ITSN1: variants seen among roughly 807,000 people sequenced by gnomAD.
ITSN1 encodes intersectin-1.
ITSN1 carries 58 observed loss-of-function variants against 239.8 expected under a neutral mutation model. That is an observed-to-expected ratio of 0.24 (90% CI 0.20 to 0.30). The LOEUF is 0.30. Ranked by LOEUF, ITSN1 falls within the 10% of genes least tolerant of loss-of-function variation. ITSN1 has a pLI of 1.00. For missense variants in ITSN1, 1,558 were observed against 2,103.3 expected, an observed-to-expected ratio of 0.74 and a Z score of 5.07; for synonymous variants, 780 against 770.8, an observed-to-expected ratio of 1.01 and a Z score of -0.20.
At chr21:33,868,649 A>C (rs7281113) in intron 33 of ITSN1, among the ~76,000 whole-genome samples, 11,368 of 152,284 alleles carry the variant, frequency 0.075, 458 homozygotes, top group Non-Finnish European at 0.097. Flanking sequence ...CCGGAACTCC[A>C]GCTGGCCCGC....
At chr21:33,859,049 T>C (rs9977675) in intron 31 of ITSN1, among the ~76,000 whole-genome samples, 38,945 of 152,084 alleles carry the variant, frequency 0.26, 5,585 homozygotes, top group South Asian at 0.41. Flanking sequence ...ATTACTGTGG[T>C]TGTGAATTTC....
At chr21:33,647,469 C>A (rs560555456) in intron 1 of ITSN1, among the ~76,000 whole-genome samples, 3 of 151,308 alleles carry the variant, frequency 2.0e-5, no homozygotes, top group Non-Finnish European at 4.4e-5. Flanking sequence ...AATAATATTC[C>A]GTTTTATGGA....
At chr21:33,664,107 C>A (rs947378376) in intron 1 of ITSN1, among the ~76,000 whole-genome samples, 1 of 152,094 alleles carries the variant, frequency 6.6e-6, no homozygotes, top group Non-Finnish European at 1.5e-5. Flanking sequence ...TAGCCCACTT[C>A]GTGTTGCTGT....
intron 1 of ITSN1, among the ~76,000 whole-genome samples, chr21:33,690,794 T>C (rs1258346600): frequency 5.3e-5 from 1 of 18,942 alleles, no homozygotes; most frequent in Non-Finnish European, 9.8e-5. Context: ...TATATACATA[T>C]ATATATATAT....
intron 31 of ITSN1, among the ~76,000 whole-genome samples, chr21:33,864,044 T>C (rs1981125855): frequency 6.6e-6 from 1 of 152,236 alleles, no homozygotes; most frequent in Non-Finnish European, 1.5e-5. Flanking sequence ...GGACTTTATT[T>C]TAGCCAAAAA....
In ITSN1 at chr21:33,813,929, A is replaced by G. The variant is rs1478102347; in HGVS notation, c.2584A>G (p.Asn862Asp). 1.2e-6 allele frequency: 2 copies of G among 1,613,484 alleles called. No homozygotes were observed. The change falls in exon 22 of 40, where the codon AAT (asparagine) becomes GAT (aspartate). Residue 862 changes from asparagine (N) to aspartate (D), a missense_variant. Transcript: ENST00000381318. The stretch of plus-strand genomic sequence containing the variant: ...TCCCTCCAGGTGGCCCACCAGCACG[A>G]ATGAGAAACCAGAAACGGATAACTG... Reference protein sequence around the residue: ...DFSSTWPTSTNEKPETDNWDA... With the variant: ...DFSSTWPTSTDEKPETDNWDA...
At chr21:33,680,201 C>A (rs1400053492) in intron 1 of ITSN1, among the ~76,000 whole-genome samples, 1 of 151,910 alleles carries the variant, frequency 6.6e-6, no homozygotes, top group African/African-American at 2.4e-5. Flanking sequence ...GGTTTTATTC[C>A]TCTGGATGTT....
chr21:33,813,849 G>A, intron 21 of ITSN1, 64 bp from the exon 22 acceptor site: 1 of 1,310,158 alleles, frequency 7.6e-7, no homozygotes. Context: ...GTACTTTACT[G>A]TGGGTAAAAA....
rs2091711533 is a variant in ITSN1 at position 33,694,649 on chromosome 21, CGTCTCTACTAAAA to C, written c.-32-24147_-32-24135del. 2.0e-5 allele frequency among the ~76,000 whole-genome samples: 3 copies of C among 151,996 alleles called. No homozygotes were observed. In the South Asian group the frequency reaches 6.2e-4, roughly 32 times the overall value. On this transcript the variant is annotated intron_variant, in intron 1 of 39. Coordinates refer to ENST00000381318, the MANE Select transcript of ITSN1 (RefSeq NM_003024.3). The stretch of plus-strand genomic sequence containing the variant: ...CAGCCTGGCCAACATGGCGAAACCC[CGTCTCTACTAAAA>C]ATACAAAAATTAGCCAGGCGTGGTG...
At chr21:33,848,111 C>T (rs938038950) in intron 29 of ITSN1, among the ~76,000 whole-genome samples, 17 of 152,252 alleles carry the variant, frequency 1.1e-4, no homozygotes, top group South Asian at 4.1e-4. Context: ...AGCGCCTCCT[C>T]GACTGGACTT....
chr21:33,866,377 A>C (rs1159645626), intron 32 of ITSN1, among the ~76,000 whole-genome samples: 1 of 152,240 alleles, frequency 6.6e-6, no homozygotes, highest in Non-Finnish European at 1.5e-5. Context: ...CTAGGGTTTC[A>C]GCCAAGGGCT....
chr21:33,816,864 G>A (rs1037046352), intron 22 of ITSN1, among the ~76,000 whole-genome samples: 2 of 152,160 alleles, frequency 1.3e-5, no homozygotes, highest in Non-Finnish European at 2.9e-5. Flanking sequence ...TGAGGGACTT[G>A]AAGGAGTGAA....
At chr21:33,771,191 G>A (rs1486229220) in intron 11 of ITSN1, among the ~76,000 whole-genome samples, 1 of 152,200 alleles carries the variant, frequency 6.6e-6, no homozygotes, top group Non-Finnish European at 1.5e-5. Flanking sequence ...AGTACGTGAA[G>A]GAAGTCTGTC....
chr21:33,768,925 T>A (rs1276939150), intron 11 of ITSN1, among the ~76,000 whole-genome samples: 1 of 152,242 alleles, frequency 6.6e-6, no homozygotes, highest in African/African-American at 2.4e-5. Flanking sequence ...CTAGAACCTT[T>A]AAAATATATT....
At chr21:33,695,813 G>GA (rs1281559848) in intron 1 of ITSN1, among the ~76,000 whole-genome samples, 1 of 152,180 alleles carries the variant, frequency 6.6e-6, no homozygotes, top group Non-Finnish European at 1.5e-5. Flanking sequence ...TCCATGTAAA[G>GA]AAAAGGAGTG....
intron 3 of ITSN1, 24 bp downstream of exon 3, chr21:33,721,294 AT>A (rs2065465121): frequency 1.4e-6 from 2 of 1,455,826 alleles, no homozygotes; most frequent in Non-Finnish European, 9.7e-7. Flanking sequence ...GCATTTTTTC[AT>A]TTTTACTTAT....
intron 1 of ITSN1, among the ~76,000 whole-genome samples, chr21:33,705,728 T>A (rs1026919386): frequency 6.6e-6 from 1 of 152,112 alleles, no homozygotes; most frequent in South Asian, 2.1e-4. Context: ...TTTTAACATT[T>A]GAAAATTTTG....
At chr21:33,725,053 T>A (rs1048457950) in intron 4 of ITSN1, among the ~76,000 whole-genome samples, 1 of 150,340 alleles carries the variant, frequency 6.7e-6, no homozygotes, top group African/African-American at 2.4e-5. Context: ...GAGCATCGCT[T>A]GCGCCCAGGA....
At chr21:33,874,765 C>T (rs1413727620) in intron 33 of ITSN1, among the ~76,000 whole-genome samples, 1 of 151,800 alleles carries the variant, frequency 6.6e-6, no homozygotes, top group East Asian at 1.9e-4. Flanking sequence ...TCTTCTGCCT[C>T]AGCCCCCCGA....
Sources: allele counts gnomAD v4.1 joint callset (sites outside exome capture counted in the v4.1 genomes callset), GRCh38; gene constraint gnomAD v4.1.1; transcripts MANE v1.5; gene names NCBI Gene and HGNC (gene_info 2026-07-23, HGNC 2026-07-21).